PROM1: variants seen among roughly 807,000 people sequenced by gnomAD.
PROM1 encodes prominin-1.
A neutral mutation model predicts 116.9 loss-of-function variants in PROM1; 105 were observed. The observed-to-expected ratio is 0.90, with a 90% CI of 0.77 to 1.06. The LOEUF (loss-of-function observed/expected upper bound fraction) is 1.06, where lower values mean the gene tolerates loss of function less well. Among genes scored for constraint, PROM1 ranks in the 50% least tolerant of loss-of-function variants. The probability of loss-of-function intolerance (pLI) is 0.00; values close to 1 mark genes in which losing one functional copy is unlikely to be tolerated. For synonymous variants in PROM1, 393 were observed against 387.0 expected, an observed-to-expected ratio of 1.02 and a Z score of -0.18; for missense variants, 1,122 against 1,045.2, an observed-to-expected ratio of 1.07 and a Z score of -1.01.
intron 18 of PROM1, among the ~76,000 whole-genome samples, chr4:15,990,107 C>T (rs1720609700): frequency 6.6e-6 from 1 of 152,170 alleles, no homozygotes; most frequent in South Asian, 2.1e-4. Flanking sequence ...TCTCAGTTTC[C>T]CATTTTACAG....
Position 16,012,870 on chromosome 4 carries a change from C to CAAAAA in PROM1, c.1141+400_1141+404dup, listed in dbSNP as rs71179681. On this transcript the variant is annotated intron_variant, in intron 11 of 27. Coordinates refer to ENST00000447510, the MANE Select transcript of PROM1 (RefSeq NM_006017.3). ...TGAGCGACAGAGCGAGACTCTGTCT[C>CAAAAA]AAAAAAAAAAAAAAAAAAAAACAAC... Among the ~76,000 whole-genome samples, 20 of 84,198 alleles carry CAAAAA rather than the reference C, an allele frequency of 2.4e-4. 1 individual carries two copies. In the East Asian group the frequency reaches 3.6e-3, roughly 15 times the overall value. 55.2% of individuals were successfully genotyped at this position (84,198 alleles called of 152,430 possible). A position where few individuals can be genotyped will look rare whatever the true frequency, so the allele number is the denominator to read the frequency against.
intron 2 of PROM1, among the ~76,000 whole-genome samples, chr4:16,061,555 A>G (rs986271599): frequency 1.3e-5 from 2 of 152,234 alleles, no homozygotes; most frequent in African/African-American, 4.8e-5. Flanking sequence ...TCCGTCCCTC[A>G]GAACACATGG....
chr4:15,969,936 T>TTTTG (rs747045487), intron 27 of PROM1, among the ~76,000 whole-genome samples: 268 of 152,064 alleles, frequency 1.8e-3, no homozygotes, highest in Non-Finnish European at 2.8e-3. Context: ...ATTTCTATAT[T>TTTTG]TTTGTTTGTT....
chr4:15,991,079 C>T (rs2058144), intron 18 of PROM1, 143 bp downstream of exon 18: 76,660 of 662,718 alleles, frequency 0.12, 4,691 homozygotes, highest in South Asian at 0.14. Flanking sequence ...TGGACGGAAA[C>T]GTAATGACAC....
In PROM1 at chr4:16,023,332, C is replaced by T. The variant is rs1730390184; in HGVS notation, c.778G>A (p.Ala260Thr). 1 of 1,601,424 alleles carries T rather than the reference C, an allele frequency of 6.2e-7. No homozygotes were observed. Among genetic ancestry groups the T allele is most frequent in the Non-Finnish European group, 8.5e-7 (1 of 1,172,340 alleles). Reference sequence around the variant, plus strand: ...ATTTTTGCCCACTGCTTACCTGTTGCCATGGACTTAATCTCATCAAGAACA... The same window carrying T: ...ATTTTTGCCCACTGCTTACCTGTTGTCATGGACTTAATCTCATCAAGAACA... ...IPVLDEIKSMATAIKETKEAL... is the reference protein window; with the variant it reads ...IPVLDEIKSMTTAIKETKEAL... Residue 260 changes from alanine to threonine, a missense_variant, in exon 8 of 28, where the codon GCA becomes ACA. By Grantham distance (58) the Ala-to-Thr change is moderately conservative. Coordinates refer to ENST00000447510, the MANE Select transcript of PROM1 (RefSeq NM_006017.3).
chr4:16,000,291 A>AT (rs569735780), intron 14 of PROM1, among the ~76,000 whole-genome samples: 151 of 151,788 alleles, frequency 9.9e-4, no homozygotes, highest in African/African-American at 2.2e-3. Flanking sequence ...ACGCTCCCAT[A>AT]TTTTTTTTTC....
Position 16,038,952 on chromosome 4 carries a change from A to G in PROM1, c.270T>C (p.Tyr90=). 1 of 1,487,936 alleles carries G rather than the reference A, an allele frequency of 6.7e-7. No homozygotes were observed. The highest frequency in any genetic ancestry group is 1.4e-5 in the South Asian group (1 of 70,006). The allele number at this position is 1,487,936 out of a possible 1,614,324, so 92.2% of individuals were successfully genotyped here. Reference sequence around the variant, plus strand: ...TACACCAATGAAAAATTACCTTGTCATAATCAATTTTGGATTCATATGCCT... The same window carrying G: ...TACACCAATGAAAAATTACCTTGTCGTAATCAATTTTGGATTCATATGCCT... ...LQKAYESKID[Y]DKPETVILGL... Residue 90 remains tyrosine, a synonymous_variant, in exon 3 of 28, where the codon TAT becomes TAC. Coordinates refer to ENST00000447510, the MANE Select transcript of PROM1 (RefSeq NM_006017.3).
chr4:16,073,549 C>A (rs567684165), intron 2 of PROM1, among the ~76,000 whole-genome samples: 6 of 152,156 alleles, frequency 3.9e-5, no homozygotes, highest in East Asian at 1.9e-4. Flanking sequence ...AAAACCAACA[C>A]CCCAAGATTC....
chr4:16,075,667 T>A lies in PROM1; in HGVS notation c.220+20A>T. 3 of 1,594,800 alleles carry A rather than the reference T, an allele frequency of 1.9e-6. No individual in the cohort carries two copies. Among genetic ancestry groups the A allele is most frequent in the Non-Finnish European group, 2.6e-6 (3 of 1,166,986 alleles). On this transcript the variant is annotated intron_variant, in intron 2 of 27. Coordinates refer to ENST00000447510, the MANE Select transcript of PROM1 (RefSeq NM_006017.3). ...TGCGTTTGGAGATAAATCCTATCTT[T>A]CCCTGCCATCAGCACTTACCTTCTG...
intron 2 of PROM1, chr4:16,055,258 G>C (rs74457248): frequency 0.014 from 5,075 of 370,816 alleles, 227 homozygotes; most frequent in African/African-American, 0.098. Context: ...AATTAGGCTG[G>C]TCATGGTGGC....
intron 2 of PROM1, among the ~76,000 whole-genome samples, chr4:16,075,415 C>A (rs1177414119): frequency 6.6e-6 from 1 of 152,126 alleles, no homozygotes; most frequent in East Asian, 1.9e-4. Context: ...TTGCTCTAAC[C>A]CAAACAAAGC....
At chr4:16,006,033 G>A (rs748908081) in intron 13 of PROM1, among the ~76,000 whole-genome samples, 2 of 152,156 alleles carry the variant, frequency 1.3e-5, no homozygotes, top group Non-Finnish European at 2.9e-5. Context: ...CTGTTCTCAC[G>A]CCTAATCTAG....
intron 14 of PROM1, among the ~76,000 whole-genome samples, chr4:15,998,777 G>A (rs903788162): frequency 7.2e-5 from 11 of 152,008 alleles, no homozygotes; most frequent in African/African-American, 1.4e-4. Flanking sequence ...GCGCAGTGGC[G>A]CGATCTCAGC....
intron 4 of PROM1, 57 bp from the exon 5 acceptor site, chr4:16,033,566 A>T: frequency 3.3e-6 from 3 of 896,606 alleles, no homozygotes; most frequent in Non-Finnish European, 4.9e-6. Flanking sequence ...TAAGTAGAAC[A>T]TTCCATGGTG....
Position 15,985,761 on chromosome 4 carries a change from G to A in PROM1, c.2279C>T (p.Ser760Phe). 1 of 1,554,322 alleles carries A rather than the reference G, an allele frequency of 6.4e-7. No homozygotes were observed. Among genetic ancestry groups the A allele is most frequent in the African/African-American group, 1.4e-5 (1 of 73,680 alleles). The change falls in exon 22 of 28, where the codon TCT becomes TTT. Residue 760 changes from serine to phenylalanine, a missense_variant and splice_region_variant. Physicochemically the swap from Ser to Phe is radical, Grantham distance 155. Coordinates refer to ENST00000447510, the MANE Select transcript of PROM1 (RefSeq NM_006017.3). ...FEHYLQWIEF[S>F]ISEKVASCKP... ...ATTCATAAAAGATAAACTACTTACA[G>A]AGAACTCGATCCACTGCAGATAATG...
At chr4:16,048,748 T>C (rs1253650975) in intron 2 of PROM1, among the ~76,000 whole-genome samples, 2 of 152,174 alleles carry the variant, frequency 1.3e-5, no homozygotes, top group South Asian at 2.1e-4. Flanking sequence ...TCAGAAAACA[T>C]GCTGCCCGGG....
At chr4:16,021,400 G>A (rs1729852144) in intron 8 of PROM1, among the ~76,000 whole-genome samples, 1 of 152,080 alleles carries the variant, frequency 6.6e-6, no homozygotes, top group South Asian at 2.1e-4. Flanking sequence ...TTAATTTGGG[G>A]CTGGAAGAGA....
At chr4:16,009,934 CAAAAAAAA>C (rs4065768) in intron 11 of PROM1, among the ~76,000 whole-genome samples, 1 of 75,442 alleles carries the variant, frequency 1.3e-5, no homozygotes, top group Non-Finnish European at 2.5e-5. Flanking sequence ...GACTCGCTCT[CAAAAAAAA>C]AAAAAAAAAA....
rs55708318 is a variant in PROM1, at chr4:15,992,396, G to A, written c.1768-5C>T. ...ACTGCTTATGCTTCCAGTATGCTGCGAAAAAAGGAAGTTACAAATCAGTCC... is the reference window on the plus strand; with the variant it reads ...ACTGCTTATGCTTCCAGTATGCTGCAAAAAAAGGAAGTTACAAATCAGTCC... On this transcript the variant is annotated splice_polypyrimidine_tract_variant and splice_region_variant and intron_variant, in intron 16 of 27. Transcript: ENST00000447510. The A allele has an allele frequency of 0.044, 70,596 of 1,606,490 alleles. 1,781 individuals are homozygous for A. Among genetic ancestry groups the A allele is most frequent in the Middle Eastern group, 0.053 (318 of 6,018 alleles).
Sources: gnomAD v4.1 joint callset for allele counts (sites outside exome capture counted in the v4.1 genomes callset) on GRCh38, gnomAD v4.1.1 for gene constraint, MANE v1.5 for transcripts, NCBI Gene and HGNC (gene_info 2026-07-23, HGNC 2026-07-21) for gene names.